The following MTMR8 variants were observed in gnomAD, a reference collection of about 807,000 sequenced individuals.
The protein encoded by MTMR8 is phosphatidylinositol-3,5-bisphosphate 3-phosphatase MTMR8.
A neutral mutation model predicts 39.3 loss-of-function variants in MTMR8; 65 were observed. The ratio of observed to expected loss-of-function variants is 1.65; its 90% CI spans 1.35 to 2.03. MTMR8 has a LOEUF of 2.03. MTMR8 is among the 30% of genes most tolerant of loss of function. MTMR8 has a pLI of 0.00. For synonymous variants in MTMR8, 245 were observed against 185.2 expected (o/e 1.32, Z -2.62); for missense variants, 777 against 538.9 (o/e 1.44, Z -4.37).
chrX:64,332,648 C>T (rs1193953609), intron 10 of MTMR8, among the ~76,000 whole-genome samples: 1 of 111,796 alleles, frequency 8.9e-6, no homozygotes, highest in Non-Finnish European at 1.9e-5. Flanking sequence ...ATGCTGTCTT[C>T]TAGAATCTCT....
chrX:64,292,769 G>A lies in MTMR8; in HGVS notation c.1482-21696C>T, dbSNP rs764576186. 3.6e-5 allele frequency among the ~76,000 whole-genome samples: 4 copies of A among 111,412 alleles called. No homozygotes were observed. The South Asian group carries it at 1.5e-3, about 43-fold the overall frequency. On this transcript the variant is annotated intron_variant, in intron 12 of 13. Transcript: ENST00000374852. ...GGCTGCCTGACTATATATACAGAAT[G>A]TATCTGGCAGGGAGCAAACTCCACC...
intron 12 of MTMR8, among the ~76,000 whole-genome samples, chrX:64,307,974 G>A (rs773465205): frequency 4.2e-4 from 47 of 111,563 alleles, no homozygotes; most frequent in Middle Eastern, 4.6e-3. Context: ...TTATTTCAAT[G>A]TCTGTATGTT....
intron 12 of MTMR8, among the ~76,000 whole-genome samples, chrX:64,286,725 C>G (rs1015185826): frequency 5.4e-5 from 6 of 111,641 alleles, no homozygotes; most frequent in African/African-American, 2.0e-4. Context: ...ATGATTATCT[C>G]AATAGATGCA....
intron 12 of MTMR8, among the ~76,000 whole-genome samples, chrX:64,301,935 A>C (rs1921895621): frequency 8.9e-6 from 1 of 111,876 alleles, no homozygotes; most frequent in Admixed American, 9.4e-5. Flanking sequence ...TCAGATCTCC[A>C]GCTGCGTGCT....
At chrX:64,367,055 T>G (rs758277628) in intron 1 of MTMR8, among the ~76,000 whole-genome samples, 1 of 110,972 alleles carries the variant, frequency 9.0e-6, no homozygotes, top group Admixed American at 9.5e-5. Flanking sequence ...AAGACTAAAC[T>G]AGGAAGAAGT....
intron 7 of MTMR8, among the ~76,000 whole-genome samples, 172 bp from the exon 8 acceptor site, chrX:64,343,892 G>C (rs1923281981): frequency 1.8e-5 from 2 of 111,626 alleles, no homozygotes; most frequent in South Asian, 7.5e-4. Flanking sequence ...AAGCCTACCA[G>C]ATCTCCTCGC....
chrX:64,300,064 G>T (rs1453182441), intron 12 of MTMR8, among the ~76,000 whole-genome samples: 29 of 97,671 alleles, frequency 3.0e-4, no homozygotes, highest in Non-Finnish European at 5.0e-4. Context: ...CTGTTGATTT[G>T]GGGTGGAGAG....
chrX:64,358,249 C>A (rs1923678762), intron 2 of MTMR8, among the ~76,000 whole-genome samples: 1 of 111,641 alleles, frequency 9.0e-6, no homozygotes, highest in African/African-American at 3.3e-5. Flanking sequence ...GGTTACATAG[C>A]CAGTTAGCAT....
intron 8 of MTMR8, among the ~76,000 whole-genome samples, chrX:64,340,634 A>C (rs1923190109): frequency 9.0e-6 from 1 of 111,529 alleles, no homozygotes; most frequent in Non-Finnish European, 1.9e-5. Flanking sequence ...AAAGGAGTTA[A>C]AGAGATCTGG....
intron 2 of MTMR8, among the ~76,000 whole-genome samples, chrX:64,357,000 T>G (rs1227512309): frequency 8.9e-6 from 1 of 111,998 alleles, no homozygotes; most frequent in East Asian, 2.8e-4. Flanking sequence ...CATTTTAAAC[T>G]CTAGTGACAG....
chrX:64,275,456 G>A (rs761437124), intron 12 of MTMR8, among the ~76,000 whole-genome samples: 8 of 109,408 alleles, frequency 7.3e-5, no homozygotes, highest in Non-Finnish European at 1.5e-4. Context: ...AGCACCTTGG[G>A]AGGCCAAGGC....
rs1302951039 is a variant in MTMR8 at position 64,286,064 on chromosome X, C to T, written c.1482-14991G>A. Among the ~76,000 whole-genome samples, 5 of 110,964 alleles carry T rather than the reference C, an allele frequency of 4.5e-5. No homozygotes were observed. The Admixed American group carries it at 4.8e-4, about 11-fold the overall frequency. ...TGAGTTTTTGAAAAGATCAACAAAA[C>T]TGATAGACTGCCAGCAAGACTAATA... On this transcript the variant is annotated intron_variant, in intron 12 of 13. Coordinates refer to ENST00000374852, the MANE Select transcript of MTMR8 (RefSeq NM_017677.4).
At chrX:64,312,710 T>C (rs1922350681) in intron 12 of MTMR8, among the ~76,000 whole-genome samples, 1 of 112,364 alleles carries the variant, frequency 8.9e-6, no homozygotes, top group Non-Finnish European at 1.9e-5. Context: ...CCATACAAAG[T>C]GTATTTCCTA....
intron 1 of MTMR8, among the ~76,000 whole-genome samples, chrX:64,393,102 C>A (rs1306225765): frequency 3.6e-5 from 4 of 111,935 alleles, no homozygotes; most frequent in Non-Finnish European, 7.5e-5. Flanking sequence ...CCATGCAGTA[C>A]AAATGGAGTC....
chrX:64,304,303 G>T (rs1602120032), intron 12 of MTMR8, among the ~76,000 whole-genome samples: 1 of 111,886 alleles, frequency 8.9e-6, no homozygotes, highest in South Asian at 3.7e-4. Flanking sequence ...TCATTTTGAT[G>T]ATTTACTAGG....
At chrX:64,297,940 T>C (rs1921682621) in intron 12 of MTMR8, among the ~76,000 whole-genome samples, 2 of 95,854 alleles carry the variant, frequency 2.1e-5, no homozygotes, top group South Asian at 5.7e-4. Context: ...CATTGATCTA[T>C]ATCTCTGTTT....
intron 6 of MTMR8, among the ~76,000 whole-genome samples, chrX:64,348,302 A>G: frequency 9.0e-6 from 1 of 111,282 alleles, no homozygotes; most frequent in Non-Finnish European, 1.9e-5. Context: ...TCCAATGTCT[A>G]AGTTGAAGCT....
chrX:64,301,396 C>T (rs1208742529), intron 12 of MTMR8, among the ~76,000 whole-genome samples: 2 of 105,180 alleles, frequency 1.9e-5, no homozygotes, highest in African/African-American at 6.9e-5. Context: ...GCATTCTTCA[C>T]GTAGTTCTCG....
At chrX:64,366,729 TAGC>T (rs1923972463) in intron 1 of MTMR8, among the ~76,000 whole-genome samples, 1 of 111,005 alleles carries the variant, frequency 9.0e-6, no homozygotes, top group African/African-American at 3.3e-5. Context: ...ATTCAAAAGC[TAGC>T]AGAAGGCAAG....
Sources: gnomAD v4.1 joint callset for allele counts (sites outside exome capture counted in the v4.1 genomes callset) on GRCh38, gnomAD v4.1.1 for gene constraint, MANE v1.5 for transcripts, NCBI Gene and HGNC (gene_info 2026-07-23, HGNC 2026-07-21) for gene names.